Variants in SPRR2G observed in about 807,000 individuals in gnomAD.
The protein encoded by SPRR2G is small proline-rich protein 2G.
SPRR2G carries 1 observed loss-of-function variant against 0.7 expected under a neutral mutation model. The observed-to-expected ratio is 1.49, with a 90% CI of 0.53 to 7.06. SPRR2G has a LOEUF of 7.06. SPRR2G is among the 30% of genes most tolerant of loss of function. The pLI is 0.14. For synonymous variants in SPRR2G, 38 were observed against 33.9 expected, an observed-to-expected ratio of 1.12 and a Z score of -0.42; for missense variants, 96 against 88.5, an observed-to-expected ratio of 1.09 and a Z score of -0.34.
the SPRR2G span, among the ~76,000 whole-genome samples, chr1:153,177,973 C>CTA: frequency 6.6e-6 from 1 of 151,100 alleles, no homozygotes; most frequent in African/African-American, 2.4e-5. Context: ...ATATGTGAAC[C>CTA]TATATCTCTT....
the SPRR2G span, among the ~76,000 whole-genome samples, chr1:153,178,705 A>G: frequency 1.3e-5 from 2 of 152,098 alleles, no homozygotes; most frequent in East Asian, 1.9e-4. Flanking sequence ...TTTTGCTTCT[A>G]TGCTCCTGAG....
the SPRR2G span, among the ~76,000 whole-genome samples, chr1:153,180,144 A>C: frequency 6.6e-6 from 1 of 152,202 alleles, no homozygotes; most frequent in Non-Finnish European, 1.5e-5. Context: ...AAGTACAGGT[A>C]TACAACTTAA....
the SPRR2G span, among the ~76,000 whole-genome samples, chr1:153,165,650 G>C: frequency 0.022 from 3,359 of 152,228 alleles, 112 homozygotes; most frequent in East Asian, 0.11. Flanking sequence ...TATAAAATGG[G>C]TTGAGAACAC....
chr1:153,175,260 G>C, the SPRR2G span, among the ~76,000 whole-genome samples: 359 of 152,276 alleles, frequency 2.4e-3, no homozygotes, highest in Non-Finnish European at 3.8e-3. Context: ...CTGCCAAAAT[G>C]ATCTTTCAAA....
At chr1:153,191,830 G>C in the SPRR2G span, among the ~76,000 whole-genome samples, 1 of 152,064 alleles carries the variant, frequency 6.6e-6, no homozygotes, top group Non-Finnish European at 1.5e-5. Flanking sequence ...ATTCTCCTTG[G>C]TCTCAGCTTA....
At chr1:153,195,511 G>A in the SPRR2G span, among the ~76,000 whole-genome samples, 3 of 152,142 alleles carry the variant, frequency 2.0e-5, no homozygotes, top group South Asian at 2.1e-4. Context: ...GGCTCAAGAA[G>A]GCATCTCAAG....
the SPRR2G span, among the ~76,000 whole-genome samples, chr1:153,156,078 A>G: frequency 1.3e-5 from 2 of 152,244 alleles, no homozygotes; most frequent in Non-Finnish European, 2.9e-5. Context: ...AGTACGTGCT[A>G]GATAAATAGT....
the SPRR2G span, among the ~76,000 whole-genome samples, chr1:153,172,986 T>G: frequency 1.3e-5 from 2 of 152,176 alleles, no homozygotes; most frequent in Non-Finnish European, 2.9e-5. Context: ...AGAATTAACT[T>G]TGGAACTCTT....
the SPRR2G span, among the ~76,000 whole-genome samples, chr1:153,160,324 A>T: frequency 3.1e-3 from 477 of 152,292 alleles, 4 homozygotes; most frequent in African/African-American, 0.011. Context: ...AGACATTTAG[A>T]TTGTTTCCAT....
At chr1:153,195,339 T>C in the SPRR2G span, among the ~76,000 whole-genome samples, 2 of 152,154 alleles carry the variant, frequency 1.3e-5, no homozygotes, top group Non-Finnish European at 2.9e-5. Context: ...ATCAAGGGTA[T>C]CCTCCCGGCT....
chr1:153,180,648 TG>T, the SPRR2G span, among the ~76,000 whole-genome samples: 1 of 152,204 alleles, frequency 6.6e-6, no homozygotes, highest in African/African-American at 2.4e-5. Context: ...ATATAATGAC[TG>T]GGTCAGAGGA....
the SPRR2G span, among the ~76,000 whole-genome samples, chr1:153,164,580 C>T: frequency 1.3e-5 from 2 of 152,194 alleles, no homozygotes; most frequent in African/African-American, 2.4e-5. Context: ...TCCACAGATG[C>T]TCAAGTCCCT....
At chr1:153,162,739 T>G in the SPRR2G span, among the ~76,000 whole-genome samples, 8 of 152,172 alleles carry the variant, frequency 5.3e-5, no homozygotes, top group African/African-American at 1.7e-4. Flanking sequence ...TGTTATGTCT[T>G]CCAGGAATCC....
chr1:153,170,928 G>C, the SPRR2G span, among the ~76,000 whole-genome samples: 5 of 152,148 alleles, frequency 3.3e-5, no homozygotes, highest in African/African-American at 1.2e-4. Flanking sequence ...AGGAAGAACA[G>C]GGTATCATGG....
chr1:153,190,405 G>A, the SPRR2G span: 1 of 152,282 alleles, frequency 6.6e-6, no homozygotes, highest in African/African-American at 2.4e-5. Context: ...TCAGATTCAA[G>A]ATGGAAGATA....
chr1:153,198,709 T>A, the SPRR2G span, among the ~76,000 whole-genome samples: 1 of 152,104 alleles, frequency 6.6e-6, no homozygotes, highest in Non-Finnish European at 1.5e-5. Context: ...AGGAAAAATG[T>A]GGAAGGTGTT....
the SPRR2G span, among the ~76,000 whole-genome samples, chr1:153,184,727 C>A: frequency 5.9e-5 from 9 of 152,148 alleles, no homozygotes; most frequent in Non-Finnish European, 1.0e-4. Flanking sequence ...CTGGCCAGAA[C>A]TTCCAATACT....
chr1:153,153,622 C>T (rs190086233), upstream of SPRR2G, among the ~76,000 whole-genome samples: 10 of 150,914 alleles, frequency 6.6e-5, no homozygotes, highest in South Asian at 2.1e-4. Context: ...AATGAAGAAA[C>T]GAAGGAAGGT....
chr1:153,157,874 T>G, the SPRR2G span, among the ~76,000 whole-genome samples: 3 of 126,608 alleles, frequency 2.4e-5, no homozygotes, highest in African/African-American at 9.3e-5. Context: ...TGGAAGAGGG[T>G]GAAGAGGAAG....
Sources: allele counts gnomAD v4.1 joint callset (sites outside exome capture counted in the v4.1 genomes callset), GRCh38; gene constraint gnomAD v4.1.1; transcripts MANE v1.5; gene names NCBI Gene and HGNC (gene_info 2026-07-23, HGNC 2026-07-21).